JAZF1: variants seen among roughly 807,000 people sequenced by gnomAD.
JAZF1 encodes juxtaposed with another zinc finger protein 1.
Under a neutral mutation model 26.4 loss-of-function variants are expected in JAZF1, and 8 were observed. That is an observed-to-expected ratio of 0.30 (90% confidence interval 0.18 to 0.55). The LOEUF (loss-of-function observed/expected upper bound fraction) is 0.55, where lower values mean the gene tolerates loss of function less well. Ranked by LOEUF, JAZF1 falls within the 20% of genes least tolerant of loss-of-function variation. JAZF1 has a pLI of 0.94. For missense variants in JAZF1, 199 were observed against 322.0 expected (o/e 0.62, Z 2.92); for synonymous variants, 126 against 122.3 (o/e 1.03, Z -0.20).
chr7:27,982,926 A>G (rs1785616865), intron 2 of JAZF1, among the ~76,000 whole-genome samples: 1 of 152,214 alleles, frequency 6.6e-6, no homozygotes. Context: ...CATCCACACC[A>G]AAACCCCATC....
chr7:28,170,868 C>T (rs571606437), intron 1 of JAZF1, among the ~76,000 whole-genome samples: 1 of 152,226 alleles, frequency 6.6e-6, no homozygotes, highest in Admixed American at 6.5e-5. Flanking sequence ...CCGGCCCTGG[C>T]TACCCCGGGC....
chr7:28,074,919 C>T (rs1372265368), intron 1 of JAZF1, among the ~76,000 whole-genome samples: 1 of 152,092 alleles, frequency 6.6e-6, no homozygotes, highest in African/African-American at 2.4e-5. Flanking sequence ...AAAATGTCAA[C>T]CATTAACGAC....
At chr7:27,850,309 AC>A (rs988217393) in intron 3 of JAZF1, among the ~76,000 whole-genome samples, 4 of 152,190 alleles carry the variant, frequency 2.6e-5, no homozygotes, top group African/African-American at 9.7e-5. Flanking sequence ...TGGCTCTGGG[AC>A]CACGGGCCAT....
intron 2 of JAZF1, among the ~76,000 whole-genome samples, chr7:27,922,008 T>G (rs891506266): frequency 6.6e-6 from 1 of 152,244 alleles, no homozygotes; most frequent in African/African-American, 2.4e-5. Flanking sequence ...GAATGAAGTG[T>G]ATGCCTAGAA....
chr7:27,883,201 C>G (rs551936441), intron 3 of JAZF1, among the ~76,000 whole-genome samples: 1 of 152,134 alleles, frequency 6.6e-6, no homozygotes, highest in Admixed American at 6.5e-5. Context: ...ACAACTTTAC[C>G]TTGTGATCTT....
intron 1 of JAZF1, among the ~76,000 whole-genome samples, chr7:28,115,958 T>C (rs1000265574): frequency 6.6e-6 from 1 of 152,214 alleles, no homozygotes; most frequent in African/African-American, 2.4e-5. Context: ...GGTCTTTCCA[T>C]ATCAACGTAT....
At chr7:27,838,901 C>A (rs1302599086) in intron 4 of JAZF1, among the ~76,000 whole-genome samples, 2 of 152,184 alleles carry the variant, frequency 1.3e-5, no homozygotes, top group African/African-American at 4.8e-5. Flanking sequence ...GTTAATGGGG[C>A]TGGAGCCAGC....
At chr7:28,157,426 A>G (rs1783205194) in intron 1 of JAZF1, among the ~76,000 whole-genome samples, 1 of 152,272 alleles carries the variant, frequency 6.6e-6, no homozygotes, top group African/African-American at 2.4e-5. Context: ...CGGTATAAAA[A>G]TAAGGAGTAT....
At chr7:27,871,633 A>C (rs1783583466) in intron 3 of JAZF1, among the ~76,000 whole-genome samples, 1 of 152,240 alleles carries the variant, frequency 6.6e-6, no homozygotes, top group Non-Finnish European at 1.5e-5. Context: ...TGGCCATTTC[A>C]AACTGCTTCA....
At chr7:28,003,431 T>C (rs988497113) in intron 1 of JAZF1, among the ~76,000 whole-genome samples, 16 of 152,200 alleles carry the variant, frequency 1.1e-4, no homozygotes, top group Non-Finnish European at 2.1e-4. Flanking sequence ...TAGTTATTAG[T>C]GGGCAATAAT....
At position 28,100,692 on chromosome 7, in the gene JAZF1, TATA is replaced by T. The variant is rs1562587342; in HGVS notation, c.115+79768_115+79770del. 1.4e-4 allele frequency among the ~76,000 whole-genome samples: 22 copies of T among 152,046 alleles called. No individual in the cohort carries two copies. The South Asian group carries it at 1.7e-3, about 12-fold the overall frequency. On this transcript the variant is annotated intron_variant, in intron 1 of 4. Transcript: ENST00000283928. The stretch of plus-strand genomic sequence containing the variant: ...CACTCTAGACTCAAACTTAAAGAAG[TATA>T]AGAAAGGAAAAGAAAACAGAATCAC...
intron 1 of JAZF1, among the ~76,000 whole-genome samples, chr7:28,063,273 C>T (rs1056354298): frequency 2.6e-5 from 4 of 152,216 alleles, no homozygotes; most frequent in African/African-American, 9.6e-5. Flanking sequence ...TCCAGAATAA[C>T]ATTTGAAACT....
intron 3 of JAZF1, among the ~76,000 whole-genome samples, chr7:27,889,162 C>T (rs1783923400): frequency 6.6e-6 from 1 of 152,278 alleles, no homozygotes; most frequent in Admixed American, 6.5e-5. Context: ...CTCCCAATGC[C>T]CAAGCCCCAC....
At chr7:28,033,153 C>A (rs1330952683) in intron 1 of JAZF1, among the ~76,000 whole-genome samples, 1 of 152,036 alleles carries the variant, frequency 6.6e-6, no homozygotes, top group Non-Finnish European at 1.5e-5. Context: ...AGCAAAGTGC[C>A]TGGTACTTAG....
intron 1 of JAZF1, among the ~76,000 whole-genome samples, chr7:28,043,508 G>T (rs960924549): frequency 5.9e-5 from 9 of 152,106 alleles, no homozygotes; most frequent in Admixed American, 4.6e-4. Flanking sequence ...ACATGAGTTG[G>T]TGTTTGTTTT....
chr7:27,921,806 A>C (rs1028256303), intron 2 of JAZF1, among the ~76,000 whole-genome samples: 4 of 152,184 alleles, frequency 2.6e-5, no homozygotes, highest in Non-Finnish European at 5.9e-5. Flanking sequence ...CCGAGGTGGT[A>C]GGACTGCTCG....
At chr7:28,103,879 C>A (rs1784511897) in intron 1 of JAZF1, among the ~76,000 whole-genome samples, 1 of 152,186 alleles carries the variant, frequency 6.6e-6, no homozygotes, top group South Asian at 2.1e-4. Flanking sequence ...ATGAAAGCAC[C>A]CATTCATCCA....
At chr7:27,931,984 A>C (rs994639249) in intron 2 of JAZF1, among the ~76,000 whole-genome samples, 1 of 152,232 alleles carries the variant, frequency 6.6e-6, no homozygotes, top group African/African-American at 2.4e-5. Context: ...ATGTATTTGG[A>C]AAGAATTCTC....
At chr7:28,012,792 C>T (rs1158327113) in intron 1 of JAZF1, among the ~76,000 whole-genome samples, 1 of 152,360 alleles carries the variant, frequency 6.6e-6, no homozygotes, top group East Asian at 1.9e-4. Context: ...AAGGAAGCAA[C>T]ATCTCTTGAG....
Sources: gnomAD v4.1 joint callset for allele counts (sites outside exome capture counted in the v4.1 genomes callset) on GRCh38, gnomAD v4.1.1 for gene constraint, MANE v1.5 for transcripts, NCBI Gene and HGNC (gene_info 2026-07-23, HGNC 2026-07-21) for gene names.